Variants in UBE2E2 observed in about 807,000 individuals in gnomAD.
The protein encoded by UBE2E2 is ubiquitin-conjugating enzyme E2 E2.
A neutral mutation model predicts 24.7 loss-of-function variants in UBE2E2; 6 were observed. The ratio of observed to expected loss-of-function variants is 0.24; its 90% CI spans 0.13 to 0.48. UBE2E2 has a LOEUF of 0.48. UBE2E2 is among the 20% of genes least tolerant of loss of function. The pLI is 0.99. For synonymous variants in UBE2E2, 104 were observed against 83.6 expected (o/e 1.24, Z -1.33); for missense variants, 169 against 245.0 (o/e 0.69, Z 2.07).
intron 3 of UBE2E2, among the ~76,000 whole-genome samples, chr3:23,324,839 G>T (rs1240480639): frequency 2.0e-5 from 3 of 151,766 alleles, no homozygotes; most frequent in African/African-American, 7.3e-5. Context: ...TTTATCTGTG[G>T]TATTTTGTTT....
rs572096852 is a variant in UBE2E2 at position 23,425,768 on chromosome 3, C to T, written c.228-73840C>T. On this transcript the variant is annotated intron_variant, in intron 3 of 5. Coordinates refer to ENST00000396703, the MANE Select transcript of UBE2E2 (RefSeq NM_152653.4). ...GGACTATAGAATGCTCTACCCTCCC[C>T]CGCTTTCTTACCCCCACTTTCTTAG... 3.3e-5 allele frequency among the ~76,000 whole-genome samples: 5 copies of T among 152,068 alleles called. No individual in the cohort carries two copies. The South Asian group carries it at 1.0e-3, about 32-fold the overall frequency.
At chr3:23,376,735 C>T (rs972137065) in intron 3 of UBE2E2, among the ~76,000 whole-genome samples, 1 of 152,214 alleles carries the variant, frequency 6.6e-6, no homozygotes, top group South Asian at 2.1e-4. Context: ...GGCAATGTCA[C>T]AGCATGTCCT....
chr3:23,367,567 T>TC lies in UBE2E2; in HGVS notation c.228-132035dup, dbSNP rs554720132. On this transcript the variant is annotated intron_variant, in intron 3 of 5. Coordinates refer to ENST00000396703, the MANE Select transcript of UBE2E2 (RefSeq NM_152653.4). ...AAAGGCATGGAAGCTCTGTGCCCCT[T>TC]CCCCCCATACCTTGCCCTATGCATG... Among the ~76,000 whole-genome samples the TC allele has an allele frequency of 2.0e-4, 31 of 152,244 alleles. No individual in the cohort carries two copies. In the South Asian group the frequency reaches 6.4e-3, roughly 32 times the overall value.
chr3:23,314,914 C>A (rs1289995761), intron 3 of UBE2E2, among the ~76,000 whole-genome samples: 2 of 152,102 alleles, frequency 1.3e-5, no homozygotes, highest in African/African-American at 4.8e-5. Flanking sequence ...TTATTACAAG[C>A]CTTGAGGTGG....
intron 3 of UBE2E2, among the ~76,000 whole-genome samples, chr3:23,260,094 A>C (rs541808053): frequency 1.3e-5 from 2 of 152,346 alleles, no homozygotes; most frequent in South Asian, 4.1e-4. Flanking sequence ...ATGTGTATAC[A>C]ACATTGTTGG....
chr3:23,268,281 T>C (rs1172055381), intron 3 of UBE2E2, among the ~76,000 whole-genome samples: 3 of 148,964 alleles, frequency 2.0e-5, no homozygotes, highest in East Asian at 3.9e-4. Context: ...TGTTTGCAGA[T>C]GACATGATTG....
At chr3:23,330,073 TGGG>T in intron 3 of UBE2E2, among the ~76,000 whole-genome samples, 1 of 152,320 alleles carries the variant, frequency 6.6e-6, no homozygotes, top group East Asian at 1.9e-4. Context: ...ACAGTAGGCA[TGGG>T]ATAAAAGAAA....
chr3:23,466,673 T>A (rs1461818198), intron 3 of UBE2E2, among the ~76,000 whole-genome samples: 1 of 152,140 alleles, frequency 6.6e-6, no homozygotes, highest in African/African-American at 2.4e-5. Flanking sequence ...GTTCAAGCGA[T>A]TCTCCTGCCT....
intron 3 of UBE2E2, among the ~76,000 whole-genome samples, chr3:23,230,899 T>C (rs1168268782): frequency 6.6e-6 from 1 of 152,114 alleles, no homozygotes; most frequent in Non-Finnish European, 1.5e-5. Context: ...ATTAAGCTTA[T>C]TCTGTGTGAT....
At chr3:23,356,407 A>T (rs963667392) in intron 3 of UBE2E2, among the ~76,000 whole-genome samples, 2 of 152,228 alleles carry the variant, frequency 1.3e-5, no homozygotes, top group East Asian at 3.8e-4. Flanking sequence ...GTGTTAGGTA[A>T]GTGAAAGAAT....
intron 3 of UBE2E2, among the ~76,000 whole-genome samples, chr3:23,485,907 G>T (rs1046207051): frequency 6.6e-6 from 1 of 152,198 alleles, no homozygotes; most frequent in African/African-American, 2.4e-5. Context: ...AAGTGCAGAG[G>T]TCAAGGAGGA....
intron 3 of UBE2E2, among the ~76,000 whole-genome samples, chr3:23,361,106 C>A (rs766527906): frequency 6.6e-6 from 1 of 152,036 alleles, no homozygotes; most frequent in East Asian, 1.9e-4. Flanking sequence ...ATCGGGAAAA[C>A]GCAAATTAAA....
intron 3 of UBE2E2, among the ~76,000 whole-genome samples, chr3:23,496,762 C>G (rs13062619): frequency 1.3e-5 from 2 of 152,054 alleles, no homozygotes; most frequent in Non-Finnish European, 2.9e-5. Flanking sequence ...GTAAAAGTTT[C>G]TCTGTAGTGT....
intron 3 of UBE2E2, among the ~76,000 whole-genome samples, chr3:23,337,439 C>T (rs886662253): frequency 2.6e-5 from 4 of 152,100 alleles, no homozygotes; most frequent in Non-Finnish European, 5.9e-5. Context: ...AGTCCTTGTC[C>T]TTAAGGAATT....
Position 23,268,122 on chromosome 3 carries a change from A to T in UBE2E2, c.227+50810A>T, listed in dbSNP as rs1319608071. 4.0e-5 allele frequency among the ~76,000 whole-genome samples: 6 copies of T among 151,738 alleles called. 1 individual carries two copies. Among genetic ancestry groups the T allele is most frequent in the Admixed American group, 3.9e-4 (6 of 15,238 alleles). On this transcript the variant is annotated intron_variant, in intron 3 of 5. Coordinates refer to ENST00000396703, the MANE Select transcript of UBE2E2 (RefSeq NM_152653.4). ...TCATACTGAATGGGCAAAAACTGGA[A>T]GCATTCCCTTTGAGAACTGGCACAA... is the stretch of plus-strand genomic sequence containing the variant.
intron 3 of UBE2E2, among the ~76,000 whole-genome samples, chr3:23,384,607 A>T (rs1696758820): frequency 6.6e-6 from 1 of 152,058 alleles, no homozygotes; most frequent in Admixed American, 6.5e-5. Flanking sequence ...CAGTGGTGCG[A>T]TCTTGGCTCA....
At chr3:23,356,793 A>G (rs1250065742) in intron 3 of UBE2E2, among the ~76,000 whole-genome samples, 4 of 152,200 alleles carry the variant, frequency 2.6e-5, no homozygotes, top group African/African-American at 9.7e-5. Context: ...ACAACATCAA[A>G]ATTTCAGTTA....
chr3:23,470,198 A>G (rs1699004878), intron 3 of UBE2E2, among the ~76,000 whole-genome samples: 1 of 152,218 alleles, frequency 6.6e-6, no homozygotes, highest in Non-Finnish European at 1.5e-5. Context: ...AGATACTGTT[A>G]CTGTGCCCCT....
At chr3:23,311,546 G>A (rs1373992138) in intron 3 of UBE2E2, among the ~76,000 whole-genome samples, 1 of 152,062 alleles carries the variant, frequency 6.6e-6, no homozygotes, top group Non-Finnish European at 1.5e-5. Context: ...AGAGACTTGG[G>A]TTGCCAGTGG....
Sources: gnomAD v4.1 joint callset for allele counts (sites outside exome capture counted in the v4.1 genomes callset) on GRCh38, gnomAD v4.1.1 for gene constraint, MANE v1.5 for transcripts, NCBI Gene and HGNC (gene_info 2026-07-23, HGNC 2026-07-21) for gene names.